The following FBN3 variants were observed in gnomAD, a reference collection of about 807,000 sequenced individuals.
FBN3 encodes fibrillin-3.
In FBN3, 234 loss-of-function variants were observed where a neutral mutation model predicts 330.1. The observed-to-expected ratio is 0.71, with a 90% confidence interval of 0.64 to 0.79. FBN3 has a LOEUF of 0.79. FBN3 is among the 30% of genes least tolerant of loss of function. FBN3 has a pLI of 0.00. For synonymous variants in FBN3, 1,458 were observed against 1,517.3 expected, an observed-to-expected ratio of 0.96 and a Z score of 0.91; for missense variants, 3,606 against 3,886.9, an observed-to-expected ratio of 0.93 and a Z score of 1.92.
intron 56 of FBN3, among the ~76,000 whole-genome samples, chr19:8,083,805 C>CTTTTCTTTTCTT (rs766533055): frequency 7.5e-6 from 1 of 134,086 alleles, no homozygotes; most frequent in African/African-American, 2.7e-5. Flanking sequence ...ACTATTTTTT[C>CTTTTCTTTTCTT]TTTTTTTTTT....
chr19:8,144,762 G>A (rs1341999515), intron 6 of FBN3, 115 bp downstream of exon 6: 13 of 733,570 alleles, frequency 1.8e-5, no homozygotes, highest in South Asian at 1.1e-4. Flanking sequence ...CCCCAAATGC[G>A]GGAAGGAGGC....
intron 50 of FBN3, 35 bp downstream of exon 50, chr19:8,089,859 A>G (rs906134897): frequency 2.4e-5 from 38 of 1,571,792 alleles, no homozygotes; most frequent in Non-Finnish European, 3.1e-5. Flanking sequence ...TGGGTGGCCC[A>G]GAAGGGGCTC....
At chr19:8,135,055 T>C (rs2083247313) in intron 13 of FBN3, among the ~76,000 whole-genome samples, 1 of 151,694 alleles carries the variant, frequency 6.6e-6, no homozygotes, top group Non-Finnish European at 1.5e-5. Context: ...CACAGCTCAC[T>C]GCAGCCCCGA....
chr19:8,144,976 T>G lies in FBN3; in HGVS notation c.446-4A>C. On this transcript the variant is annotated splice_polypyrimidine_tract_variant and splice_region_variant and intron_variant, in intron 5 of 63. Coordinates refer to ENST00000600128, the MANE Select transcript of FBN3 (RefSeq NM_032447.5). ...TGGCAGCCGCGGTCACAGATGGCTG[T>G]GGAGGAGAGAGGGTGATGGCTGGAG... The G allele has an allele frequency of 6.2e-7, 1 of 1,606,954 alleles. No individual in the cohort carries two copies. Among genetic ancestry groups the G allele is most frequent in the Middle Eastern group, 1.7e-4 (1 of 5,972 alleles).
At chr19:8,088,924 G>C (rs2082028750) in intron 51 of FBN3, among the ~76,000 whole-genome samples, 1 of 152,120 alleles carries the variant, frequency 6.6e-6, no homozygotes. Context: ...AGGTGTGAAT[G>C]AATGAGGGAG....
chr19:8,101,191 C>G (rs1316952955), intron 40 of FBN3, among the ~76,000 whole-genome samples: 1 of 152,112 alleles, frequency 6.6e-6, no homozygotes, highest in Non-Finnish European at 1.5e-5. Flanking sequence ...CTGGTGCAAT[C>G]ACGGCTCACT....
At chr19:8,097,651 A>G in intron 41 of FBN3, among the ~76,000 whole-genome samples, 1 of 152,198 alleles carries the variant, frequency 6.6e-6, no homozygotes. Context: ...TTAAAAATAC[A>G]CACTTCCTGT....
intron 32 of FBN3, among the ~76,000 whole-genome samples, chr19:8,111,402 C>T (rs1355240314): frequency 3.3e-5 from 5 of 152,028 alleles, no homozygotes; most frequent in Admixed American, 3.3e-4. Context: ...AGAGAGGGGA[C>T]CCAGTCTCTC....
At chr19:8,147,212 G>A (rs752849510) in intron 2 of FBN3, 26 bp from the exon 3 acceptor site, 1 of 1,559,122 alleles carries the variant, frequency 6.4e-7, no homozygotes, top group South Asian at 1.2e-5. Context: ...GATGGGTCTG[G>A]TGAGCCCCTG....
At chr19:8,140,933 C>G (rs113865181) in intron 8 of FBN3, among the ~76,000 whole-genome samples, 1 of 152,112 alleles carries the variant, frequency 6.6e-6, no homozygotes, top group Non-Finnish European at 1.5e-5. Flanking sequence ...TGGCTCACGC[C>G]TGTAATCCCA....
At position 8,096,922 on chromosome 19, in the gene FBN3, C is replaced by T; in HGVS notation, c.5372G>A (p.Cys1791Tyr). Reference sequence around the variant, plus strand: ...TGGCGACAGTTTGTACCCTCGGGTGCACTTGCAGCGGTAGCTACCGGGGAT... The same window carrying T: ...TGGCGACAGTTTGTACCCTCGGGTGTACTTGCAGCGGTAGCTACCGGGGAT... ...INIPGSYRCK[C>Y]TRGYKLSPGG... Residue 1791 changes from cysteine to tyrosine, a missense_variant, in exon 43 of 64, where the codon TGC becomes TAC. Cys to Tyr is a radical substitution (Grantham distance 194, BLOSUM62 -2). Transcript: ENST00000600128. This position sits in a 1 kb window ranked among gnomAD's most constrained non-coding sequence, Gnocchi z 4.6. 6.2e-7 allele frequency: 1 copy of T among 1,613,798 alleles called. No individual in the cohort carries two copies. Among genetic ancestry groups the T allele is most frequent in the Non-Finnish European group, 8.5e-7 (1 of 1,180,032 alleles).
chr19:8,080,974 C>A (rs369448111), intron 59 of FBN3, 29 bp downstream of exon 59: 633 of 1,508,198 alleles, frequency 4.2e-4, no homozygotes, highest in Non-Finnish European at 5.5e-4. Context: ...TCATGGGTCA[C>A]CTCCCGGTGA....
chr19:8,123,641 T>C (rs746502647), intron 23 of FBN3, 52 bp from the exon 24 acceptor site: 1 of 1,608,992 alleles, frequency 6.2e-7, no homozygotes, highest in African/African-American at 1.3e-5. Context: ...TCAGGATCCA[T>C]ACACCAAGCC....
chr19:8,096,680 C>G lies in FBN3; in HGVS notation c.5414-111G>C. ...TCTGCCTTGAAGTTCCCCACTCAAA[C>G]TTCCACCAGGGGCGTCAGGCTGTCT... On this transcript the variant is annotated intron_variant, in intron 43 of 63. Coordinates refer to ENST00000600128, the MANE Select transcript of FBN3 (RefSeq NM_032447.5). The surrounding 1 kb of genome is among the most constrained non-coding windows in gnomAD (Gnocchi z 4.6). 2 of 1,454,020 alleles carry G rather than the reference C, an allele frequency of 1.4e-6. No individual in the cohort carries two copies. The highest frequency in any genetic ancestry group is 1.4e-5 in the African/African-American group (1 of 71,334). 90.1% of individuals were successfully genotyped at this position (1,454,020 alleles called of 1,614,324 possible).
chr19:8,121,255 G>T lies in FBN3; in HGVS notation c.3211+3C>A. 6.3e-7 allele frequency: 1 copy of T among 1,594,112 alleles called. No individual in the cohort carries two copies. The highest frequency in any genetic ancestry group is 8.6e-7 in the Non-Finnish European group (1 of 1,168,648). On this transcript the variant is annotated splice_donor_region_variant and intron_variant, in intron 25 of 63. Coordinates refer to ENST00000600128, the MANE Select transcript of FBN3 (RefSeq NM_032447.5). This position sits in a 1 kb window ranked among gnomAD's most constrained non-coding sequence, Gnocchi z 4.5. ...ACCACACCCCTGCCCGGCAGTCACC[G>T]ACCCATGCAGTTCTTCATCAGCATG...
rs747434888 is a variant in FBN3 at position 8,073,033 on chromosome 19, G to A, written c.7937+30C>T. ...CGTGCATGGACGCTTGCGGGGCATG[G>A]AGTCTGCTTGCCCCACTCCAGCCTC... On this transcript the variant is annotated intron_variant, in intron 62 of 63. Coordinates refer to ENST00000600128, the MANE Select transcript of FBN3 (RefSeq NM_032447.5). The A allele has an allele frequency of 9.5e-5, 138 of 1,447,692 alleles. 2 individuals are homozygous for A. The East Asian group carries it at 3.1e-3, about 33-fold the overall frequency. The allele number at this position is 1,447,692 out of a possible 1,614,324, so 89.7% of individuals were successfully genotyped here.
At chr19:8,126,136 TG>T in intron 21 of FBN3, 119 bp from the exon 22 acceptor site, 1 of 1,491,514 alleles carries the variant, frequency 6.7e-7, no homozygotes, top group Non-Finnish European at 9.2e-7. Context: ...ACACGGGGAC[TG>T]GGGACTTTCA....
chr19:8,073,025 G>C, intron 62 of FBN3, 38 bp downstream of exon 62: 1 of 1,328,248 alleles, frequency 7.5e-7, no homozygotes, highest in Non-Finnish European at 1.1e-6. Flanking sequence ...GGACGCTTGC[G>C]GGGCATGGAG....
intron 30 of FBN3, among the ~76,000 whole-genome samples, chr19:8,114,434 T>A (rs1349292664): frequency 6.6e-6 from 1 of 152,022 alleles, no homozygotes; most frequent in Non-Finnish European, 1.5e-5. Context: ...TTTTTAGTAG[T>A]GACGGGGTTT....
Sources: gnomAD v4.1 joint callset for allele counts (sites outside exome capture counted in the v4.1 genomes callset) on GRCh38, gnomAD v4.1.1 for gene constraint, Gnocchi (gnomAD v3.1) non-coding constraint, MANE v1.5 for transcripts, NCBI Gene and HGNC (gene_info 2026-07-23, HGNC 2026-07-21) for gene names.